TINAG: variants seen among roughly 807,000 people sequenced by gnomAD.
TINAG encodes the protein tubulointerstitial nephritis antigen.
In TINAG, 83 loss-of-function variants were observed where a neutral mutation model predicts 72.7. The ratio of observed to expected loss-of-function variants is 1.14; its 90% CI spans 0.96 to 1.37. TINAG has a LOEUF of 1.37. Ranked by LOEUF, TINAG falls within the 40% of genes most tolerant of loss-of-function variation. TINAG has a pLI of 0.00. For missense variants in TINAG, 685 were observed against 576.6 expected, an observed-to-expected ratio of 1.19 and a Z score of -1.93; for synonymous variants, 234 against 189.9, an observed-to-expected ratio of 1.23 and a Z score of -1.91.
chr6:54,380,523 T>C lies in TINAG; in HGVS notation c.1251-3T>C. On this transcript the variant is annotated splice_polypyrimidine_tract_variant and splice_region_variant and intron_variant, in intron 9 of 10. Coordinates refer to ENST00000259782, the MANE Select transcript of TINAG (RefSeq NM_014464.4). ...CAATCTTTATTATTGTTATTAATTGTAGATGGGGCACACTGAGAGGAGCAC... is the reference window on the plus strand; with the variant it reads ...CAATCTTTATTATTGTTATTAATTGCAGATGGGGCACACTGAGAGGAGCAC... The C allele has an allele frequency of 6.2e-7, 1 of 1,608,624 alleles. No individual in the cohort carries two copies. Among genetic ancestry groups the C allele is most frequent in the Non-Finnish European group, 8.5e-7 (1 of 1,176,866 alleles).
chr6:54,347,023 G>T (rs1785139332), intron 5 of TINAG, among the ~76,000 whole-genome samples: 1 of 152,054 alleles, frequency 6.6e-6, no homozygotes, highest in Non-Finnish European at 1.5e-5. Flanking sequence ...ACAGGAAATA[G>T]AAATATAAGG....
At chr6:54,353,876 A>C (rs1333553219) in intron 8 of TINAG, among the ~76,000 whole-genome samples, 3 of 151,856 alleles carry the variant, frequency 2.0e-5, no homozygotes, top group African/African-American at 7.2e-5. Flanking sequence ...GAATTGCCAA[A>C]GCCCTTCAAC....
At chr6:54,386,556 CAG>C (rs2150986225) in intron 10 of TINAG, among the ~76,000 whole-genome samples, 1 of 152,230 alleles carries the variant, frequency 6.6e-6, no homozygotes, top group East Asian at 1.9e-4. Context: ...CTCCCTCACA[CAG>C]AGTTTTACAG....
chr6:54,328,615 A>C (rs1295456966), intron 4 of TINAG, among the ~76,000 whole-genome samples: 3 of 152,028 alleles, frequency 2.0e-5, no homozygotes, highest in Admixed American at 6.6e-5. Context: ...TTGGACAGAG[A>C]ATGAGTTTGA....
At chr6:54,347,265 C>A in intron 5 of TINAG, 102 bp from the exon 6 acceptor site, 1 of 1,083,932 alleles carries the variant, frequency 9.2e-7, no homozygotes, top group Non-Finnish European at 1.3e-6. Flanking sequence ...AAATTATACA[C>A]AGTTTTAAAG....
intron 9 of TINAG, among the ~76,000 whole-genome samples, chr6:54,358,993 G>T (rs978216769): frequency 2.0e-5 from 3 of 151,752 alleles, no homozygotes; most frequent in African/African-American, 4.8e-5. Context: ...GCAGGGGAAC[G>T]GTTTTGGTGA....
In TINAG at chr6:54,327,780, G is replaced by A. The variant is rs984980224; in HGVS notation, c.624+864G>A. 2.0e-5 allele frequency among the ~76,000 whole-genome samples: 3 copies of A among 152,142 alleles called. No individual in the cohort carries two copies. In the East Asian group the frequency reaches 5.8e-4, roughly 29 times the overall value. On this transcript the variant is annotated intron_variant, in intron 4 of 10. Coordinates refer to ENST00000259782, the MANE Select transcript of TINAG (RefSeq NM_014464.4). ...CGAGCGTGGTGGAGGGAGGGGCGTC[G>A]GCCATTACTGAGGCTTGAGTAGGCG...
intron 8 of TINAG, among the ~76,000 whole-genome samples, chr6:54,352,901 T>C (rs1203859261): frequency 6.6e-6 from 1 of 151,678 alleles, no homozygotes; most frequent in Non-Finnish European, 1.5e-5. Flanking sequence ...TTCAAAGCAA[T>C]AAAACAAAAA....
intron 4 of TINAG, among the ~76,000 whole-genome samples, chr6:54,334,529 T>C (rs1052969791): frequency 6.6e-6 from 1 of 152,136 alleles, no homozygotes; most frequent in African/African-American, 2.4e-5. Flanking sequence ...TCGTACATGA[T>C]CTCATTTAAT....
intron 6 of TINAG, 94 bp from the exon 7 acceptor site, chr6:54,349,622 T>C: frequency 8.5e-7 from 1 of 1,177,060 alleles, no homozygotes; most frequent in South Asian, 2.4e-5. Context: ...ACCAGAATAA[T>C]TTATGAATGT....
chr6:54,389,943 A>T lies in TINAG; in HGVS notation c.*18A>T. On this transcript the variant is annotated 3_prime_UTR_variant, in exon 11 of 11. Coordinates refer to ENST00000259782, the MANE Select transcript of TINAG (RefSeq NM_014464.4). ...AACCATAACATATCATTAAATTTCC[A>T]TAAGGTCATGCCTTTAAGTAACCCC... 1.2e-6 allele frequency: 2 copies of T among 1,605,804 alleles called. No homozygotes were observed. Among genetic ancestry groups the T allele is most frequent in the Non-Finnish European group, 1.7e-6 (2 of 1,177,380 alleles).
intron 4 of TINAG, among the ~76,000 whole-genome samples, chr6:54,331,178 C>T (rs1041742303): frequency 3.9e-5 from 6 of 152,140 alleles, no homozygotes; most frequent in South Asian, 2.1e-4. Flanking sequence ...AGGGCAATAT[C>T]CCTGATGAAC....
chr6:54,387,748 A>G (rs1165610120), intron 10 of TINAG, among the ~76,000 whole-genome samples: 1 of 152,206 alleles, frequency 6.6e-6, no homozygotes, highest in African/African-American at 2.4e-5. Flanking sequence ...TTAAATCTTT[A>G]GAAATTTTCT....
At position 54,351,417 on chromosome 6, in the gene TINAG, G is replaced by A. The variant is rs778200597; in HGVS notation, c.1126+20G>A. The A allele has an allele frequency of 1.0e-5, 16 of 1,605,754 alleles. No individual in the cohort carries two copies. The highest frequency in any genetic ancestry group is 8.1e-5 in the African/African-American group (6 of 74,480). ...TTCAAGGTAAGCTTGAATGAAATAC[G>A]GTTTTTTCTTACTCATTCCTTTAAT... is the stretch of plus-strand genomic sequence containing the variant. On this transcript the variant is annotated intron_variant, in intron 8 of 10. Coordinates refer to ENST00000259782, the MANE Select transcript of TINAG (RefSeq NM_014464.4).
chr6:54,377,958 C>T (rs367690964), intron 9 of TINAG, among the ~76,000 whole-genome samples: 8 of 151,936 alleles, frequency 5.3e-5, no homozygotes, highest in Admixed American at 3.9e-4. Context: ...GGAAAGAACC[C>T]GCAGATCTAT....
rs1554209119 is a variant in TINAG at position 54,372,727 on chromosome 6, C to CATACATATAT, written c.1251-7796_1251-7795insCATATATATA. Among the ~76,000 whole-genome samples, 3 of 133,952 alleles carry CATACATATAT rather than the reference C, an allele frequency of 2.2e-5. No individual in the cohort carries two copies. In the Admixed American group the frequency reaches 2.7e-4, roughly 12 times the overall value. 87.9% of individuals were successfully genotyped at this position (133,952 alleles called of 152,430 possible). ...TCCAAGAATATTATATAAATACATA[C>CATACATATAT]ATATATATATATATATATATATATA... On this transcript the variant is annotated intron_variant, in intron 9 of 10. Coordinates refer to ENST00000259782, the MANE Select transcript of TINAG (RefSeq NM_014464.4).
At chr6:54,356,272 T>A (rs577459872) in intron 9 of TINAG, among the ~76,000 whole-genome samples, 2 of 151,998 alleles carry the variant, frequency 1.3e-5, no homozygotes, top group African/African-American at 4.8e-5. Flanking sequence ...TGGTGGCTCA[T>A]GCTTGTAATC....
intron 9 of TINAG, among the ~76,000 whole-genome samples, chr6:54,365,833 G>C (rs559439790): frequency 6.6e-6 from 1 of 151,574 alleles, no homozygotes; most frequent in African/African-American, 2.4e-5. Flanking sequence ...TCTCTCTTTA[G>C]AGAGTCTTCA....
chr6:54,320,657 T>A lies in TINAG; in HGVS notation c.419+15T>A. On this transcript the variant is annotated intron_variant, in intron 2 of 10. Coordinates refer to ENST00000259782, the MANE Select transcript of TINAG (RefSeq NM_014464.4). ...TGCAACTCCTGGTAATAAATTTAAG[T>A]GGCACAGAACTGAGTTCTACTGTGT... The A allele has an allele frequency of 2.5e-6, 4 of 1,602,536 alleles. No individual in the cohort carries two copies. Among genetic ancestry groups the A allele is most frequent in the Middle Eastern group, 1.7e-4 (1 of 6,036 alleles).
Sources: gnomAD v4.1 joint callset for allele counts (sites outside exome capture counted in the v4.1 genomes callset) on GRCh38, gnomAD v4.1.1 for gene constraint, MANE v1.5 for transcripts, NCBI Gene and HGNC (gene_info 2026-07-23, HGNC 2026-07-21) for gene names.